DAB1: variants seen among roughly 807,000 people sequenced by gnomAD.
DAB1 encodes disabled homolog 1.
In DAB1, 15 loss-of-function variants were observed where a neutral mutation model predicts 64.6. The observed-to-expected ratio is 0.23, with a 90% confidence interval of 0.16 to 0.36. The LOEUF (loss-of-function observed/expected upper bound fraction) is 0.36. DAB1 is among the 10% of genes least tolerant of loss of function. The pLI, the probability that DAB1 is intolerant of heterozygous loss-of-function variation, is 1.00. For missense variants in DAB1, 596 were observed against 706.7 expected (o/e 0.84, Z 1.78); for synonymous variants, 235 against 251.9 (o/e 0.93, Z 0.64).
At chr1:58,291,657 G>A (rs1236165859) in intron 4 of DAB1, among the ~76,000 whole-genome samples, 1 of 152,186 alleles carries the variant, frequency 6.6e-6, no homozygotes, top group Non-Finnish European at 1.5e-5. Flanking sequence ...TGTGGCAAGT[G>A]CTTCTTTGTG....
chr1:58,097,530 T>TC (rs1262315918), intron 5 of DAB1, among the ~76,000 whole-genome samples: 1 of 151,858 alleles, frequency 6.6e-6, no homozygotes, highest in Admixed American at 6.6e-5. Context: ...CTTTTTTTTT[T>TC]ACCCTGAGGG....
intron 3 of DAB1, among the ~76,000 whole-genome samples, chr1:58,414,288 CT>C (rs1321813237): frequency 2.0e-5 from 3 of 152,188 alleles, no homozygotes; most frequent in Non-Finnish European, 4.4e-5. Context: ...CTAACTCATC[CT>C]GCAGAAGCAG....
At chr1:57,157,032 T>A (rs1383720423) in intron 2 of DAB1, among the ~76,000 whole-genome samples, 1 of 152,192 alleles carries the variant, frequency 6.6e-6, no homozygotes, top group Non-Finnish European at 1.5e-5. Context: ...CAATTAGCAT[T>A]TTTTATGACA....
chr1:58,149,496 G>A (rs987263328), intron 5 of DAB1, among the ~76,000 whole-genome samples: 3 of 152,182 alleles, frequency 2.0e-5, no homozygotes, highest in African/African-American at 7.2e-5. Flanking sequence ...GACAGCGGCT[G>A]CTATGGATAC....
At chr1:57,771,029 A>G (rs1381988892) in intron 6 of DAB1, among the ~76,000 whole-genome samples, 1 of 152,184 alleles carries the variant, frequency 6.6e-6, no homozygotes, top group Non-Finnish European at 1.5e-5. Flanking sequence ...AAACCCTAGA[A>G]ACTTGGAGAG....
At chr1:57,957,096 C>T (rs1645409361) in intron 5 of DAB1, among the ~76,000 whole-genome samples, 1 of 152,138 alleles carries the variant, frequency 6.6e-6, no homozygotes, top group Non-Finnish European at 1.5e-5. Context: ...AAAGGAGGAG[C>T]ATGTGATTTG....
intron 4 of DAB1, among the ~76,000 whole-genome samples, chr1:58,184,814 A>C (rs1294695559): frequency 2.0e-5 from 3 of 152,202 alleles, no homozygotes; most frequent in African/African-American, 7.2e-5. Context: ...CAAAGAATAA[A>C]TGAAAAGCCT....
intron 7 of DAB1, among the ~76,000 whole-genome samples, chr1:57,553,318 T>G (rs1423829984): frequency 7.4e-6 from 1 of 135,018 alleles, no homozygotes; most frequent in Non-Finnish European, 1.6e-5. Flanking sequence ...AGGAACCAAT[T>G]CAAGAAAGGA....
At chr1:58,402,684 G>C (rs563822157) in intron 3 of DAB1, among the ~76,000 whole-genome samples, 2 of 152,220 alleles carry the variant, frequency 1.3e-5, no homozygotes, top group East Asian at 3.9e-4. Context: ...GATTTCATTT[G>C]TATCGGATCC....
chr1:57,223,228 G>A (rs998291853), intron 2 of DAB1, among the ~76,000 whole-genome samples: 4 of 152,190 alleles, frequency 2.6e-5, no homozygotes, highest in Admixed American at 2.6e-4. Flanking sequence ...GGAGAGGGGA[G>A]GGACCAAGAA....
chr1:57,342,128 T>A (rs372107714), intron 1 of DAB1, among the ~76,000 whole-genome samples: 7 of 152,350 alleles, frequency 4.6e-5, no homozygotes, highest in African/African-American at 1.7e-4. Flanking sequence ...ACTCAGAAGT[T>A]CTCAAAATGA....
intron 3 of DAB1, among the ~76,000 whole-genome samples, chr1:58,403,537 G>A (rs1423987346): frequency 6.6e-6 from 1 of 152,094 alleles, no homozygotes; most frequent in Non-Finnish European, 1.5e-5. Context: ...TGTTATTTCA[G>A]AGCTTTGATA....
At chr1:57,559,098 G>A in intron 7 of DAB1, among the ~76,000 whole-genome samples, 1 of 152,196 alleles carries the variant, frequency 6.6e-6, no homozygotes, top group East Asian at 1.9e-4. Context: ...TCAAAGGCAA[G>A]CTGGGTTTAG....
At chr1:57,275,353 G>A (rs2100607230) in intron 2 of DAB1, among the ~76,000 whole-genome samples, 1 of 152,334 alleles carries the variant, frequency 6.6e-6, no homozygotes, top group African/African-American at 2.4e-5. Flanking sequence ...CAGTCTCCCA[G>A]ACAGAGAGGG....
chr1:57,759,997 C>T (rs918327185), intron 6 of DAB1, among the ~76,000 whole-genome samples: 9 of 152,060 alleles, frequency 5.9e-5, no homozygotes, highest in African/African-American at 1.9e-4. Flanking sequence ...AAAAAAAGAA[C>T]ATGAATAGAA....
At chr1:58,076,179 G>A (rs997975518) in intron 5 of DAB1, among the ~76,000 whole-genome samples, 1 of 152,144 alleles carries the variant, frequency 6.6e-6, no homozygotes, top group Admixed American at 6.6e-5. Flanking sequence ...CTGTGATGGT[G>A]ATGGTTCATG....
chr1:57,633,011 C>G (rs1183220690), intron 7 of DAB1, among the ~76,000 whole-genome samples: 7 of 152,138 alleles, frequency 4.6e-5, no homozygotes, highest in Non-Finnish European at 1.0e-4. Flanking sequence ...TTTTCTAAAG[C>G]AGACAGTAAG....
At chr1:57,035,144 A>G (rs779955137) in intron 9 of DAB1, among the ~76,000 whole-genome samples, 10 of 152,214 alleles carry the variant, frequency 6.6e-5, no homozygotes, top group African/African-American at 2.2e-4. Context: ...AAGTGATCCT[A>G]TCATCTATGG....
intron 7 of DAB1, among the ~76,000 whole-genome samples, chr1:57,465,882 ATCT>A (rs1686939703): frequency 6.6e-6 from 1 of 152,246 alleles, no homozygotes; most frequent in Non-Finnish European, 1.5e-5. Context: ...CATACTTTGT[ATCT>A]TCTACAGGAC....
Sources: allele counts gnomAD v4.1 joint callset (sites outside exome capture counted in the v4.1 genomes callset), GRCh38; gene constraint gnomAD v4.1.1; transcripts MANE v1.5; gene names NCBI Gene and HGNC (gene_info 2026-07-23, HGNC 2026-07-21).